The following ERBB4 variants were observed in gnomAD, a reference collection of about 807,000 sequenced individuals.
ERBB4 encodes the protein erb-b2 receptor tyrosine kinase 4.
Under a neutral mutation model 158.0 loss-of-function variants are expected in ERBB4, and 42 were observed. That is an observed-to-expected ratio of 0.27 (90% confidence interval 0.21 to 0.34). The LOEUF is 0.34. ERBB4 is among the 10% of genes least tolerant of loss of function. The pLI is 1.00. For missense variants in ERBB4, 1,333 were observed against 1,624.1 expected, an observed-to-expected ratio of 0.82 and a Z score of 3.08; for synonymous variants, 583 against 558.7, an observed-to-expected ratio of 1.04 and a Z score of -0.61.
intron 2 of ERBB4, among the ~76,000 whole-genome samples, chr2:212,062,365 G>A (rs971208751): frequency 3.0e-5 from 4 of 134,540 alleles, no homozygotes; most frequent in Admixed American, 7.7e-5. Context: ...TCCAGCTTTC[G>A]TCTTCCTCCT....
intron 1 of ERBB4, among the ~76,000 whole-genome samples, chr2:212,167,763 A>C (rs1360205204): frequency 2.0e-5 from 3 of 152,172 alleles, no homozygotes; most frequent in Non-Finnish European, 2.9e-5. Flanking sequence ...TGCAGCCATA[A>C]AAAAGATGAG....
At chr2:212,206,160 C>T (rs569508509) in intron 1 of ERBB4, among the ~76,000 whole-genome samples, 25 of 152,274 alleles carry the variant, frequency 1.6e-4, no homozygotes, top group Admixed American at 8.5e-4. Context: ...CAGACCCTCA[C>T]GCATAGCCAT....
chr2:211,909,766 G>A lies in ERBB4; in HGVS notation c.421+37664C>T, dbSNP rs532839791. Reference sequence around the variant, plus strand: ...TGTGTTTGTGTGTATGTAGGTTTATGTGTGTGTGTACACTCATTACTTTTC... The same window carrying A: ...TGTGTTTGTGTGTATGTAGGTTTATATGTGTGTGTACACTCATTACTTTTC... On this transcript the variant is annotated intron_variant, in intron 3 of 27. Transcript: ENST00000342788. Among the ~76,000 whole-genome samples, 3 of 151,800 alleles carry A rather than the reference G, an allele frequency of 2.0e-5. 1 individual carries two copies. In the East Asian group the frequency reaches 5.9e-4, roughly 30 times the overall value.
chr2:211,974,466 A>C (rs1174655700), intron 2 of ERBB4, among the ~76,000 whole-genome samples: 2 of 152,226 alleles, frequency 1.3e-5, no homozygotes, highest in Non-Finnish European at 2.9e-5. Flanking sequence ...GTTGTGGTTC[A>C]AATTGTGTCA....
At chr2:211,879,558 T>C (rs905784482) in intron 3 of ERBB4, among the ~76,000 whole-genome samples, 3 of 152,214 alleles carry the variant, frequency 2.0e-5, no homozygotes, top group Non-Finnish European at 4.4e-5. Context: ...GTTAGGAGGA[T>C]AAATTAACAA....
chr2:211,593,221 TA>T (rs2068530549), intron 19 of ERBB4, among the ~76,000 whole-genome samples: 1 of 152,110 alleles, frequency 6.6e-6, no homozygotes, highest in Non-Finnish European at 1.5e-5. Context: ...TAAAGTAGGC[TA>T]TAGCAGCTAA....
chr2:211,557,501 G>A (rs1028432079), intron 20 of ERBB4, among the ~76,000 whole-genome samples: 2 of 151,970 alleles, frequency 1.3e-5, no homozygotes, highest in African/African-American at 4.8e-5. Flanking sequence ...CAACCAGCAA[G>A]CATATGAAAA....
chr2:211,782,561 T>C (rs2076062193), intron 4 of ERBB4, among the ~76,000 whole-genome samples: 1 of 152,156 alleles, frequency 6.6e-6, no homozygotes, highest in African/African-American at 2.4e-5. Flanking sequence ...ATGATGTAAA[T>C]AAGTTGCCCT....
At chr2:211,875,025 C>CAAAAAAAAAAAAGAAAAA (rs2078456589) in intron 3 of ERBB4, among the ~76,000 whole-genome samples, 1 of 27,032 alleles carries the variant, frequency 3.7e-5, no homozygotes, top group African/African-American at 1.5e-4. Context: ...AATAGAAATG[C>CAAAAAAAAAAAAGAAAAA]AAAAAAAAAA....
At chr2:212,165,841 C>T (rs1486063784) in intron 1 of ERBB4, among the ~76,000 whole-genome samples, 1 of 152,060 alleles carries the variant, frequency 6.6e-6, no homozygotes, top group Admixed American at 6.6e-5. Context: ...TAAAACAGAA[C>T]ACAATGCCAA....
intron 12 of ERBB4, among the ~76,000 whole-genome samples, chr2:211,692,600 C>T (rs749745547): frequency 2.6e-5 from 4 of 152,068 alleles, no homozygotes; most frequent in African/African-American, 4.8e-5. Flanking sequence ...ACCCCTTTGG[C>T]GTTGGCTTGC....
chr2:211,845,911 G>A (rs1211433435), intron 3 of ERBB4, among the ~76,000 whole-genome samples: 2 of 152,100 alleles, frequency 1.3e-5, no homozygotes, highest in African/African-American at 4.8e-5. Context: ...TAGGATTTGA[G>A]AGCATGCAAA....
At chr2:212,029,003 C>T (rs976072664) in intron 2 of ERBB4, among the ~76,000 whole-genome samples, 3 of 152,042 alleles carry the variant, frequency 2.0e-5, no homozygotes, top group African/African-American at 7.2e-5. Context: ...ACAAGACATG[C>T]CCACCAGTGC....
chr2:211,665,449 T>C lies in ERBB4; in HGVS notation c.1745A>G (p.His582Arg). 2 of 1,613,816 alleles carry C rather than the reference T, an allele frequency of 1.2e-6. No individual in the cohort carries two copies. The highest frequency in any genetic ancestry group is 1.7e-6 in the Non-Finnish European group (2 of 1,179,956). ...CACACAGTTTGGGCCATCTTTAAAATGAGAGCACTTTGTACAGTTGTCAGG... is the reference window on the plus strand; with the variant it reads ...CACACAGTTTGGGCCATCTTTAAAACGAGAGCACTTTGTACAGTTGTCAGG... ...PGPDNCTKCS[H>R]FKDGPNCVEK... Residue 582 changes from histidine (H) to arginine (R), a missense_variant, in exon 15 of 28, where the codon CAT becomes CGT. By Grantham distance (29) the His-to-Arg change is conservative. Coordinates refer to ENST00000342788, the MANE Select transcript of ERBB4 (RefSeq NM_005235.3).
At chr2:212,131,687 A>C (rs1220772027) in intron 1 of ERBB4, among the ~76,000 whole-genome samples, 2 of 152,218 alleles carry the variant, frequency 1.3e-5, no homozygotes, top group African/African-American at 4.8e-5. Flanking sequence ...AATAAGGAAG[A>C]GTATGTCTCT....
chr2:211,505,959 C>G (rs1405948543), intron 20 of ERBB4, among the ~76,000 whole-genome samples: 1 of 94,730 alleles, frequency 1.1e-5, no homozygotes, highest in Non-Finnish European at 2.2e-5. Flanking sequence ...GACTCCATCT[C>G]AAAAAAAAAA....
At chr2:212,021,795 G>C (rs994398242) in intron 2 of ERBB4, among the ~76,000 whole-genome samples, 1 of 151,472 alleles carries the variant, frequency 6.6e-6, no homozygotes, top group Non-Finnish European at 1.5e-5. Flanking sequence ...AACAAAATGG[G>C]AGAAAATTTT....
intron 1 of ERBB4, among the ~76,000 whole-genome samples, chr2:212,142,386 G>T (rs549290205): frequency 2.6e-5 from 4 of 151,798 alleles, no homozygotes; most frequent in Admixed American, 2.6e-4. Context: ...ACGCATAAAT[G>T]AATGACTGTT....
chr2:211,481,240 A>T (rs2065074919), intron 20 of ERBB4, among the ~76,000 whole-genome samples: 1 of 152,178 alleles, frequency 6.6e-6, no homozygotes, highest in Admixed American at 6.5e-5. Flanking sequence ...GATAATTGAT[A>T]TGAAGAGATG....
Sources: allele counts gnomAD v4.1 joint callset (sites outside exome capture counted in the v4.1 genomes callset), GRCh38; gene constraint gnomAD v4.1.1; transcripts MANE v1.5; gene names NCBI Gene and HGNC (gene_info 2026-07-23, HGNC 2026-07-21).